EPS8: variants seen among roughly 807,000 people sequenced by gnomAD.
The protein encoded by EPS8 is EGFR pathway substrate 8, signaling adaptor.
EPS8 carries 42 observed loss-of-function variants against 103.8 expected under a neutral mutation model. The observed-to-expected ratio is 0.40, with a 90% CI of 0.32 to 0.52. EPS8 has a LOEUF of 0.52. Among genes scored for constraint, EPS8 ranks in the 20% least tolerant of loss-of-function variants. EPS8 has a pLI of 0.40. For synonymous variants in EPS8, 344 were observed against 344.6 expected (o/e 1.00, Z 0.02); for missense variants, 969 against 1,005.1 (o/e 0.96, Z 0.49).
At position 15,656,203 on chromosome 12, in the gene EPS8, C is replaced by T. The variant is rs73054903; in HGVS notation, c.1101+1876G>A. Among the ~76,000 whole-genome samples the T allele has an allele frequency of 8.1e-3, 1,195 of 146,838 alleles. 7 individuals are homozygous for T. Among genetic ancestry groups the T allele is most frequent in the Non-Finnish European group, 0.014 (920 of 66,488 alleles). On this transcript the variant is annotated intron_variant, in intron 12 of 20. Coordinates refer to ENST00000281172, the MANE Select transcript of EPS8 (RefSeq NM_004447.6). ...AGCAAAAACTTCTTTATAAATAATA[C>T]TTCCAAATACTCTAAGATAGCATCA...
At chr12:15,744,555 C>T (rs1472193743) in intron 1 of EPS8, among the ~76,000 whole-genome samples, 1 of 152,110 alleles carries the variant, frequency 6.6e-6, no homozygotes, top group Non-Finnish European at 1.5e-5. Context: ...TTTTTAAGTG[C>T]TTTACATATT....
chr12:15,658,443 T>C (rs1313985251), intron 11 of EPS8, 54 bp downstream of exon 11: 1 of 1,192,256 alleles, frequency 8.4e-7, no homozygotes, highest in Admixed American at 1.8e-5. Flanking sequence ...CCTGACTAGA[T>C]TTTCACCTTT....
In EPS8 at chr12:15,706,320, G is replaced by C. The variant is rs1486091737; in HGVS notation, c.-21-23348C>G. 6.6e-6 allele frequency among the ~76,000 whole-genome samples: 1 copy of C among 152,162 alleles called. No homozygotes were observed. Among genetic ancestry groups the C allele is most frequent in the Non-Finnish European group, 1.5e-5 (1 of 68,020 alleles). On this transcript the variant is annotated intron_variant, in intron 1 of 20. Coordinates refer to ENST00000281172, the MANE Select transcript of EPS8 (RefSeq NM_004447.6). This position sits in a 1 kb window ranked among gnomAD's most constrained non-coding sequence, Gnocchi z 5.2. The stretch of plus-strand genomic sequence containing the variant: ...GAACCTGGGATTCAAAAGGCAAGGC[G>C]GGAAGCACTGCAGCATTGACAATGC...
At chr12:15,775,588 T>C (rs1489706102) in intron 1 of EPS8, among the ~76,000 whole-genome samples, 1 of 152,132 alleles carries the variant, frequency 6.6e-6, no homozygotes, top group Non-Finnish European at 1.5e-5. Flanking sequence ...TGTGAATCTA[T>C]ATTAAGGAAA....
intron 3 of EPS8, 87 bp from the exon 4 acceptor site, chr12:15,671,010 G>T: frequency 2.2e-6 from 2 of 900,676 alleles, no homozygotes; most frequent in Non-Finnish European, 3.6e-6. Context: ...TCTAAAACTA[G>T]TCTATCTCAC....
At chr12:15,661,867 T>A (rs79316381) in intron 9 of EPS8, among the ~76,000 whole-genome samples, 159 bp downstream of exon 9, 1 of 152,058 alleles carries the variant, frequency 6.6e-6, no homozygotes, top group Admixed American at 6.5e-5. Flanking sequence ...AACGAGAAAA[T>A]AATTCAAAGG....
chr12:15,683,002 G>T (rs1158044636), intron 1 of EPS8, 30 bp from the exon 2 acceptor site: 10 of 1,225,804 alleles, frequency 8.2e-6, no homozygotes, highest in Non-Finnish European at 1.2e-5. Flanking sequence ...TAGATTAAAG[G>T]CAATAAAAAG....
chr12:15,678,179 A>G (rs1284483789), intron 3 of EPS8, among the ~76,000 whole-genome samples: 2 of 152,144 alleles, frequency 1.3e-5, no homozygotes, highest in African/African-American at 2.4e-5. Flanking sequence ...CCTAAAAAAA[A>G]ACTTCAACTA....
chr12:15,672,627 A>T (rs1945836167), intron 3 of EPS8: 1 of 393,960 alleles, frequency 2.5e-6, no homozygotes. Context: ...AAAGTGAGCG[A>T]CTGTGATTTT....
rs1239528204 is a variant in EPS8 at position 15,669,721 on chromosome 12, T to C, written c.309A>G (p.Gln103=). 6.2e-7 allele frequency: 1 copy of C among 1,613,812 alleles called. No homozygotes were observed. Among genetic ancestry groups the C allele is most frequent in the Non-Finnish European group, 8.5e-7 (1 of 1,179,884 alleles). The change falls in exon 5 of 21, where the codon CAA becomes CAG. Residue 103 remains glutamine, a synonymous_variant. Coordinates refer to ENST00000281172, the MANE Select transcript of EPS8 (RefSeq NM_004447.6). ...TGTCATCCACTTGAAGAATCATATC[T>C]TGAGTCCACACTTTGCCCTTGGCAT... ...LLDAKGKVWT[Q]DMILQVDDRA...
intron 1 of EPS8, among the ~76,000 whole-genome samples, chr12:15,788,172 A>G (rs994586280): frequency 6.6e-6 from 1 of 152,216 alleles, no homozygotes; most frequent in African/African-American, 2.4e-5. Context: ...CACACATCTG[A>G]AATCAAGTTT....
intron 1 of EPS8, among the ~76,000 whole-genome samples, chr12:15,726,194 T>C (rs2135985226): frequency 6.6e-6 from 1 of 152,074 alleles, no homozygotes; most frequent in East Asian, 1.9e-4. Context: ...GCAAGAAGGA[T>C]TGGGTGCCTT....
intron 1 of EPS8, among the ~76,000 whole-genome samples, chr12:15,758,181 C>G (rs1031445635): frequency 2.0e-5 from 3 of 152,184 alleles, no homozygotes. Flanking sequence ...TGTCCACATC[C>G]AAGGAGAGCA....
In EPS8 at chr12:15,666,538, A is replaced by G. The variant is rs775399453; in HGVS notation, c.517-16T>C. The G allele has an allele frequency of 1.4e-5, 22 of 1,593,618 alleles. No individual in the cohort carries two copies. The highest frequency in any genetic ancestry group is 1.9e-5 in the Non-Finnish European group (22 of 1,161,672). Reference sequence around the variant, plus strand: ...TTAGGTTTGCCTGCAAAGAGACACAAGTTACCTGAAAGTTTATGGATTTTT... The same window carrying G: ...TTAGGTTTGCCTGCAAAGAGACACAGGTTACCTGAAAGTTTATGGATTTTT... On this transcript the variant is annotated splice_polypyrimidine_tract_variant and intron_variant, in intron 6 of 20. Coordinates refer to ENST00000281172, the MANE Select transcript of EPS8 (RefSeq NM_004447.6).
chr12:15,626,582 T>G (rs1164656749), intron 18 of EPS8, among the ~76,000 whole-genome samples: 1 of 132,454 alleles, frequency 7.5e-6, no homozygotes, highest in Non-Finnish European at 1.5e-5. Flanking sequence ...TGTGCCAAGA[T>G]AGCGCCACTG....
At chr12:15,651,759 T>G (rs1308533430) in intron 13 of EPS8, among the ~76,000 whole-genome samples, 1 of 152,252 alleles carries the variant, frequency 6.6e-6, no homozygotes, top group Non-Finnish European at 1.5e-5. Flanking sequence ...AGTTCTACTA[T>G]GATGAAATCA....
In EPS8 at chr12:15,736,247, A is replaced by G. The variant is rs1270599276; in HGVS notation, c.-22+52914T>C. Among the ~76,000 whole-genome samples the G allele has an allele frequency of 1.3e-5, 2 of 152,182 alleles. No individual in the cohort carries two copies. Among genetic ancestry groups the G allele is most frequent in the Non-Finnish European group, 2.9e-5 (2 of 68,032 alleles). Reference sequence around the variant, plus strand: ...CATGTCACTTTAATGAACTGTAATAATTAACAATATTAACTTTTTTATAAC... The same window carrying G: ...CATGTCACTTTAATGAACTGTAATAGTTAACAATATTAACTTTTTTATAAC... On this transcript the variant is annotated intron_variant, in intron 1 of 20. Transcript: ENST00000281172. The surrounding 1 kb of genome is among the most constrained non-coding windows in gnomAD (Gnocchi z 4.2).
rs1187328370 is a variant in EPS8 at position 15,698,114 on chromosome 12, T to A, written c.-21-15142A>T. Reference sequence around the variant, plus strand: ...CATATGAATGATTATGAAAGAAATATGTATTTTAAAAGGCTTTCTGAAACT... The same window carrying A: ...CATATGAATGATTATGAAAGAAATAAGTATTTTAAAAGGCTTTCTGAAACT... On this transcript the variant is annotated intron_variant, in intron 1 of 20. Coordinates refer to ENST00000281172, the MANE Select transcript of EPS8 (RefSeq NM_004447.6). This position sits in a 1 kb window ranked among gnomAD's most constrained non-coding sequence, Gnocchi z 4.9. Among the ~76,000 whole-genome samples, 1 of 152,166 alleles carries A rather than the reference T, an allele frequency of 6.6e-6. No homozygotes were observed. The highest frequency in any genetic ancestry group is 1.5e-5 in the Non-Finnish European group (1 of 68,020).
chr12:15,715,181 T>C (rs921396505), intron 1 of EPS8, among the ~76,000 whole-genome samples: 1 of 152,070 alleles, frequency 6.6e-6, no homozygotes, highest in Non-Finnish European at 1.5e-5. Flanking sequence ...CAAAGATTGG[T>C]TGACATGTGG....
Sources: gnomAD v4.1 joint callset for allele counts (sites outside exome capture counted in the v4.1 genomes callset) on GRCh38, gnomAD v4.1.1 for gene constraint, Gnocchi (gnomAD v3.1) non-coding constraint, MANE v1.5 for transcripts, NCBI Gene and HGNC (gene_info 2026-07-23, HGNC 2026-07-21) for gene names.